RAB3GAP1: variants seen among roughly 807,000 people sequenced by gnomAD.
RAB3GAP1 encodes RAB3 GTPase activating protein catalytic subunit 1, also known as rab3 GTPase-activating protein catalytic subunit.
Under a neutral mutation model 130.7 loss-of-function variants are expected in RAB3GAP1, and 86 were observed. The ratio of observed to expected loss-of-function variants is 0.66; its 90% CI spans 0.55 to 0.79. The LOEUF is 0.79. Ranked by LOEUF, RAB3GAP1 falls within the 30% of genes least tolerant of loss-of-function variation. The pLI, the probability that RAB3GAP1 is intolerant of heterozygous loss-of-function variation, is 0.00. For missense variants in RAB3GAP1, 1,029 were observed against 1,169.4 expected, an observed-to-expected ratio of 0.88 and a Z score of 1.75; for synonymous variants, 367 against 401.7, an observed-to-expected ratio of 0.91 and a Z score of 1.03.
At chr2:135,162,469 G>A in intron 19 of RAB3GAP1, 86 bp from the exon 20 acceptor site, 1 of 990,310 alleles carries the variant, frequency 1.0e-6, no homozygotes, top group Non-Finnish European at 1.6e-6. Flanking sequence ...ATTAAGATGA[G>A]TGGCTGAGGA....
intron 4 of RAB3GAP1, among the ~76,000 whole-genome samples, chr2:135,092,077 G>C (rs1183945647): frequency 1.3e-5 from 2 of 152,064 alleles, no homozygotes; most frequent in Admixed American, 1.3e-4. Context: ...AAAACAATTA[G>C]ATAACATATG....
chr2:135,079,486 A>G (rs868599750), intron 3 of RAB3GAP1, among the ~76,000 whole-genome samples: 1 of 152,156 alleles, frequency 6.6e-6, no homozygotes, highest in Non-Finnish European at 1.5e-5. Flanking sequence ...TAGGACTGAT[A>G]TTCATAGGCT....
chr2:135,107,991 A>C (rs978495865), intron 5 of RAB3GAP1, among the ~76,000 whole-genome samples: 5 of 150,868 alleles, frequency 3.3e-5, no homozygotes, highest in Non-Finnish European at 5.9e-5. Flanking sequence ...AAAAAAAAAA[A>C]AAAAAAAAAA....
chr2:135,057,906 C>G, intron 2 of RAB3GAP1, 105 bp from the exon 3 acceptor site: 2 of 829,294 alleles, frequency 2.4e-6, no homozygotes, highest in African/African-American at 1.7e-5. Context: ...TGAGTCCTCT[C>G]TGGTCAAATT....
At chr2:135,165,302 G>C (rs1692605608) in intron 23 of RAB3GAP1, 2 of 373,134 alleles carry the variant, frequency 5.4e-6, no homozygotes, top group Non-Finnish European at 1.0e-5. Context: ...CTTGGTTACT[G>C]GCTAAGGGCT....
intron 17 of RAB3GAP1, among the ~76,000 whole-genome samples, chr2:135,148,001 T>G (rs1189571252): frequency 6.8e-6 from 1 of 147,814 alleles, no homozygotes; most frequent in Non-Finnish European, 1.5e-5. Flanking sequence ...TCCCTCTCAT[T>G]TCAGATGCTT....
chr2:135,081,361 TAC>T lies in RAB3GAP1; in HGVS notation c.151-9630_151-9629del, dbSNP rs1553440427. 3.4e-3 allele frequency among the ~76,000 whole-genome samples: 241 copies of T among 71,092 alleles called. 2 individuals are homozygous for T. The highest frequency in any genetic ancestry group is 0.014 in the Middle Eastern group (1 of 74). 46.6% of individuals were successfully genotyped at this position (71,092 alleles called of 152,430 possible). Reference sequence around the variant, plus strand: ...ATATATATATATATATATATATATATACACACACGTGTGTGTGTGTATATATA... The same window carrying T: ...ATATATATATATATATATATATATATACACACGTGTGTGTGTGTATATATA... On this transcript the variant is annotated intron_variant, in intron 3 of 23. Transcript: ENST00000264158.
In RAB3GAP1 at chr2:135,162,558, C is replaced by T. The variant is rs141580332; in HGVS notation, c.2293C>T (p.Leu765=). The T allele has an allele frequency of 1.9e-6, 3 of 1,612,632 alleles. No homozygotes were observed. Among genetic ancestry groups the T allele is most frequent in the African/African-American group, 2.7e-5 (2 of 75,014 alleles). ...GTGTGCGCTGCACCTCCTTCAGGTGCTGCACTATCTGGCAATCCAGAAACC... is the reference window on the plus strand; with the variant it reads ...GTGTGCGCTGCACCTCCTTCAGGTGTTGCACTATCTGGCAATCCAGAAACC... ...FDDTREAEKV[L]HYLAIQKPAD... is the part of the protein sequence containing the mutation. Residue 765 remains leucine (L), a synonymous_variant, in exon 20 of 24, where the codon CTG becomes TTG. Coordinates refer to ENST00000264158, the MANE Select transcript of RAB3GAP1 (RefSeq NM_012233.3).
intron 11 of RAB3GAP1, 135 bp from the exon 12 acceptor site, chr2:135,129,860 A>T (rs1022923750): frequency 1.2e-5 from 8 of 667,522 alleles, no homozygotes; most frequent in Non-Finnish European, 2.1e-5. Context: ...TGTTTTTTTC[A>T]ATGGAAAAAC....
chr2:135,145,171 T>C (rs1007505453), intron 17 of RAB3GAP1, among the ~76,000 whole-genome samples: 1 of 152,184 alleles, frequency 6.6e-6, no homozygotes, highest in African/African-American at 2.4e-5. Context: ...GTGTTTGGAG[T>C]ATCAATCGCC....
rs1348167305 is a variant in RAB3GAP1, at chr2:135,052,339, T to A, written c.18+14T>A. 3 of 1,613,992 alleles carry A rather than the reference T, an allele frequency of 1.9e-6. No homozygotes were observed. In the African/African-American group the frequency reaches 4.0e-5, roughly 22 times the overall value. ...GCCGACAGTGAGGTGATTTCTTTGC[T>A]CCCTACTTAATCCTTGTCACTATCT... On this transcript the variant is annotated intron_variant, in intron 1 of 23. Coordinates refer to ENST00000264158, the MANE Select transcript of RAB3GAP1 (RefSeq NM_012233.3).
chr2:135,075,310 TATAAAAAAGTG>T (rs1261431045), intron 3 of RAB3GAP1, among the ~76,000 whole-genome samples: 1 of 152,204 alleles, frequency 6.6e-6, no homozygotes, highest in Non-Finnish European at 1.5e-5. Flanking sequence ...GATGCATATG[TATAAAAAAGTG>T]ATAGTCCCTT....
downstream of RAB3GAP1, among the ~76,000 whole-genome samples, chr2:135,173,889 T>C (rs1692933909): frequency 6.6e-6 from 1 of 152,160 alleles, no homozygotes; most frequent in Admixed American, 6.5e-5. Context: ...CCTCGATGCC[T>C]CTATGGCAAA....
At chr2:135,071,003 A>C (rs772769322) in intron 3 of RAB3GAP1, among the ~76,000 whole-genome samples, 4 of 152,224 alleles carry the variant, frequency 2.6e-5, no homozygotes, top group Non-Finnish European at 4.4e-5. Flanking sequence ...AATGTATTTC[A>C]TGTTGACAGA....
At chr2:135,131,030 A>T (rs1691521428) in intron 13 of RAB3GAP1, among the ~76,000 whole-genome samples, 2 of 152,186 alleles carry the variant, frequency 1.3e-5, no homozygotes, top group South Asian at 4.1e-4. Flanking sequence ...CTTGATGAAA[A>T]GAAGGCTTTA....
chr2:135,120,610 T>G (rs551976059), intron 7 of RAB3GAP1, among the ~76,000 whole-genome samples: 1 of 152,366 alleles, frequency 6.6e-6, no homozygotes, highest in South Asian at 2.1e-4. Context: ...CTCTAATGAC[T>G]TCGGTGACTT....
intron 5 of RAB3GAP1, among the ~76,000 whole-genome samples, chr2:135,095,725 G>C (rs1412886256): frequency 6.6e-6 from 1 of 152,184 alleles, no homozygotes; most frequent in Non-Finnish European, 1.5e-5. Flanking sequence ...ATTGTATGCT[G>C]TTCTGAGTAG....
At chr2:135,102,662 C>T (rs1690480025) in intron 5 of RAB3GAP1, among the ~76,000 whole-genome samples, 1 of 152,134 alleles carries the variant, frequency 6.6e-6, no homozygotes, top group Non-Finnish European at 1.5e-5. Flanking sequence ...CACAAAGGAA[C>T]AGTCCACAAA....
At chr2:135,116,266 TG>T (rs1450252812) in intron 7 of RAB3GAP1, among the ~76,000 whole-genome samples, 124 of 152,202 alleles carry the variant, frequency 8.1e-4, no homozygotes, top group African/African-American at 2.7e-3. Flanking sequence ...ATTGATTATA[TG>T]TATATTACAA....
Sources: gnomAD v4.1 joint callset for allele counts (sites outside exome capture counted in the v4.1 genomes callset) on GRCh38, gnomAD v4.1.1 for gene constraint, MANE v1.5 for transcripts, NCBI Gene and HGNC (gene_info 2026-07-23, HGNC 2026-07-21) for gene names.